Variants in EEF2KMT observed in about 807,000 individuals in gnomAD.
EEF2KMT encodes protein-lysine N-methyltransferase EEF2KMT.
A neutral mutation model predicts 35.1 loss-of-function variants in EEF2KMT; 30 were observed. The observed-to-expected ratio is 0.85, with a 90% CI of 0.64 to 1.16. The LOEUF is 1.16. EEF2KMT is among the 50% of genes most tolerant of loss of function. The pLI is 0.00. For missense variants in EEF2KMT, 499 were observed against 438.2 expected (o/e 1.14, Z -1.24); for synonymous variants, 190 against 187.7 (o/e 1.01, Z -0.10).
chr16:5,097,293 G>C, intron 1 of EEF2KMT: 10 of 1,341,734 alleles, frequency 7.5e-6, no homozygotes, highest in Non-Finnish European at 9.8e-6. Context: ...CGGTCCTGAC[G>C]GCGCTGACTT....
chr16:5,087,011 G>T (rs1292960949), intron 7 of EEF2KMT: 1 of 152,170 alleles, frequency 6.6e-6, no homozygotes, highest in Admixed American at 6.5e-5. Flanking sequence ...TTTGTTACGA[G>T]TGGAAAATGC....
intron 7 of EEF2KMT, among the ~76,000 whole-genome samples, chr16:5,088,521 C>T (rs533824346): frequency 7.2e-5 from 11 of 152,176 alleles, no homozygotes; most frequent in Non-Finnish European, 1.3e-4. Context: ...GTGCAGTCTG[C>T]GGGAGCTCGG....
At position 5,093,555 on chromosome 16, in the gene EEF2KMT, G is replaced by A. The variant is rs1293989250; in HGVS notation, c.169C>T (p.His57Tyr). Residue 57 changes from histidine (H) to tyrosine (Y), a missense_variant, in exon 3 of 8, where the codon CAT becomes TAT. Physicochemically the swap from His to Tyr is moderately conservative, Grantham distance 83 (BLOSUM62 2). Coordinates refer to ENST00000427587, the MANE Select transcript of EEF2KMT (RefSeq NM_201400.4). ...GGCGGGTGCTTCACACACACAGGAT[G>A]CTTCACAGTCTACGGCAAAGGACAG... The part of the protein sequence containing the change: ...LRDILHKTVK[H>Y]PVCVKHPPSV... The A allele has an allele frequency of 1.6e-5, 26 of 1,612,048 alleles. No homozygotes were observed. The highest frequency in any genetic ancestry group is 2.7e-5 in the African/African-American group (2 of 74,996).
Position 5,090,724 on chromosome 16 carries a change from G to T in EEF2KMT, c.343-159C>A, listed in dbSNP as rs1957325160. 6.6e-6 allele frequency among the ~76,000 whole-genome samples: 1 copy of T among 152,052 alleles called. No homozygotes were observed. The highest frequency in any genetic ancestry group is 1.5e-5 in the Non-Finnish European group (1 of 68,006). ...TGTTGGCATGCCAACAGCTTTCACG[G>T]GCCTCAAGGGTGTCACGCGGTGTGA... is the stretch of plus-strand genomic sequence containing the variant. On this transcript the variant is annotated intron_variant, in intron 4 of 7. Coordinates refer to ENST00000427587, the MANE Select transcript of EEF2KMT (RefSeq NM_201400.4). The surrounding 1 kb of genome is among the most constrained non-coding windows in gnomAD (Gnocchi z 4.1).
At chr16:5,089,062 G>A in intron 7 of EEF2KMT, 45 bp downstream of exon 7, 1 of 1,610,494 alleles carries the variant, frequency 6.2e-7, no homozygotes, top group Non-Finnish European at 8.5e-7. Context: ...GTCCTGCAGG[G>A]ACAGCTCAGG....
At position 5,092,012 on chromosome 16, in the gene EEF2KMT, G is replaced by A. The variant is rs536282431; in HGVS notation, c.241-117C>T. 6.7e-5 allele frequency: 103 copies of A among 1,528,444 alleles called. No individual in the cohort carries two copies. In the South Asian group the frequency reaches 1.1e-3, roughly 16 times the overall value. The allele number at this position is 1,528,444 out of a possible 1,614,324, so 94.7% of individuals were successfully genotyped here. The stretch of plus-strand genomic sequence containing the variant: ...CGATGGAATGGTATAATACCGGCCA[G>A]CTGCCATATAAAATATTCACTTCGT... On this transcript the variant is annotated intron_variant, in intron 3 of 7. Transcript: ENST00000427587.
chr16:5,094,480 C>G (rs1957410652), intron 2 of EEF2KMT, among the ~76,000 whole-genome samples: 1 of 152,168 alleles, frequency 6.6e-6, no homozygotes, highest in South Asian at 2.1e-4. Context: ...CTAGGCTGGT[C>G]TGGAACTCCT....
chr16:5,096,060 C>T (rs1420129538), intron 1 of EEF2KMT, among the ~76,000 whole-genome samples: 5 of 152,024 alleles, frequency 3.3e-5, no homozygotes, highest in Admixed American at 2.0e-4. Context: ...CTCCCTCACC[C>T]CTGGCCCACC....
rs764355083 is a variant in EEF2KMT at position 5,095,345 on chromosome 16, CAG to C, written c.159+105_159+106del. 199 of 1,563,286 alleles carry C rather than the reference CAG, an allele frequency of 1.3e-4. 1 individual carries two copies. The highest frequency in any genetic ancestry group is 1.6e-4 in the Non-Finnish European group (181 of 1,141,356). ...TGACTCAATGGTTTTGTTTTTTGAA[CAG>C]GGGTGTTTTTAAAGGGTACAAGCAC... On this transcript the variant is annotated intron_variant, in intron 2 of 7. Transcript: ENST00000427587.
intron 6 of EEF2KMT, chr16:5,089,512 G>T (rs1003853070): frequency 3.4e-6 from 2 of 583,232 alleles, no homozygotes; most frequent in Admixed American, 3.1e-5. Context: ...ACCAGCTCTG[G>T]TTCTTGGCCT....
intron 1 of EEF2KMT, chr16:5,097,411 C>T: frequency 2.1e-6 from 3 of 1,452,534 alleles, no homozygotes; most frequent in Non-Finnish European, 2.7e-6. Flanking sequence ...GCGCGTCTGC[C>T]CCCCAAGGCT....
rs1187492408 is a variant in EEF2KMT, at chr16:5,084,617, C to T, written c.*1015G>A. 15 of 1,411,030 alleles carry T rather than the reference C, an allele frequency of 1.1e-5. No homozygotes were observed. Among genetic ancestry groups the T allele is most frequent in the Middle Eastern group, 2.4e-4 (1 of 4,132 alleles). The allele number at this position is 1,411,030 out of a possible 1,614,324, so 87.4% of individuals were successfully genotyped here. On this transcript the variant is annotated 3_prime_UTR_variant, in exon 8 of 8. Transcript: ENST00000427587. ...AGTGCTGCTGGGGTGTGAAGGGTCT[C>T]GAGTCCAAGTGAGGGAGTTAGGGAC...
intron 1 of EEF2KMT, among the ~76,000 whole-genome samples, 158 bp from the exon 2 acceptor site, chr16:5,095,672 G>A (rs1475398717): frequency 6.6e-6 from 1 of 152,154 alleles, no homozygotes; most frequent in Non-Finnish European, 1.5e-5. Flanking sequence ...ACATTCAGAT[G>A]TCGCAGGGTG....
At chr16:5,088,159 C>T (rs1356218795) in intron 7 of EEF2KMT, among the ~76,000 whole-genome samples, 2 of 152,082 alleles carry the variant, frequency 1.3e-5, no homozygotes, top group African/African-American at 2.4e-5. Context: ...CCAGGTTGGT[C>T]TTGAACACCT....
chr16:5,094,614 C>T (rs183271209), intron 2 of EEF2KMT, among the ~76,000 whole-genome samples: 1 of 152,132 alleles, frequency 6.6e-6, no homozygotes, highest in Non-Finnish European at 1.5e-5. Context: ...TCACCACCTA[C>T]GAGAGTGAGG....
intron 7 of EEF2KMT, among the ~76,000 whole-genome samples, chr16:5,088,395 G>T (rs1567176862): frequency 6.6e-6 from 1 of 152,214 alleles, no homozygotes; most frequent in East Asian, 1.9e-4. Flanking sequence ...GCTGCTGCAT[G>T]TGCATCTGTG....
At position 5,097,657 on chromosome 16, in the gene EEF2KMT, G is replaced by A; in HGVS notation, c.83C>T (p.Ser28Phe). The A allele has an allele frequency of 6.4e-7, 1 of 1,572,950 alleles. No individual in the cohort carries two copies. Among genetic ancestry groups the A allele is most frequent in the Non-Finnish European group, 8.6e-7 (1 of 1,165,564 alleles). Residue 28 changes from serine (S) to phenylalanine (F), a missense_variant, in exon 1 of 8, where the codon TCC becomes TTC. Ser to Phe is a radical substitution (Grantham distance 155, BLOSUM62 -2). Transcript: ENST00000427587. ...CCCGCCGCCCACCTGCCAGGGGAAG[G>A]AGCGCAGTGTGCGTGCCGCCAGGAA... Reference protein sequence around the residue: ...RRFLAARTLRSFPWQSLEAKL... With the variant: ...RRFLAARTLRFFPWQSLEAKL...
intron 7 of EEF2KMT, among the ~76,000 whole-genome samples, chr16:5,087,831 G>A (rs561926229): frequency 1.3e-5 from 2 of 150,202 alleles, no homozygotes; most frequent in South Asian, 4.2e-4. Flanking sequence ...AGGTGGGTGG[G>A]GGCTTATACT....
At position 5,085,233 on chromosome 16, in the gene EEF2KMT, C is replaced by T; in HGVS notation, c.*399G>A. ...CTGCCGTGTTCCTAACATTTTGATT[C>T]CTGTCTTGAAAAAAGCACCTGCTGC... On this transcript the variant is annotated 3_prime_UTR_variant, in exon 8 of 8. Coordinates refer to ENST00000427587, the MANE Select transcript of EEF2KMT (RefSeq NM_201400.4). 1.9e-6 allele frequency: 1 copy of T among 524,166 alleles called. No homozygotes were observed. The highest frequency in any genetic ancestry group is 3.4e-6 in the Non-Finnish European group (1 of 290,842). The allele number at this position is 524,166 out of a possible 1,614,324, so 32.5% of individuals were successfully genotyped here. A position where few individuals can be genotyped will look rare whatever the true frequency, so the allele number is the denominator to read the frequency against.
Sources: gnomAD v4.1 joint callset for allele counts (sites outside exome capture counted in the v4.1 genomes callset) on GRCh38, gnomAD v4.1.1 for gene constraint, Gnocchi (gnomAD v3.1) non-coding constraint, MANE v1.5 for transcripts, NCBI Gene and HGNC (gene_info 2026-07-23, HGNC 2026-07-21) for gene names.